Variants in FAM83H observed in about 807,000 individuals in gnomAD.
FAM83H encodes scaffolding CK1 anchoring protein H, also known as protein FAM83H.
Under a neutral mutation model 30.2 loss-of-function variants are expected in FAM83H, and 24 were observed. The observed-to-expected ratio is 0.79, with a 90% CI of 0.57 to 1.12. FAM83H has a LOEUF of 1.12. Among genes scored for constraint, FAM83H ranks in the 50% most tolerant of loss-of-function variants. The probability of loss-of-function intolerance (pLI) is 0.00; values close to 1 mark genes in which losing one functional copy is unlikely to be tolerated. For synonymous variants in FAM83H, 1,013 were observed against 821.7 expected, an observed-to-expected ratio of 1.23 and a Z score of -3.98; for missense variants, 2,038 against 1,773.9, an observed-to-expected ratio of 1.15 and a Z score of -2.67.
At chr8:143,728,793 T>G (rs1818407749) in intron 4 of FAM83H, 70 bp from the exon 5 acceptor site, 1 of 1,597,062 alleles carries the variant, frequency 6.3e-7, no homozygotes, top group Non-Finnish European at 8.5e-7. Flanking sequence ...GGGCAGCGGG[T>G]GGGGCGCGGA....
At chr8:143,732,532 C>T (rs1818563931) in intron 1 of FAM83H, 5 of 985,250 alleles carry the variant, frequency 5.1e-6, no homozygotes, top group Non-Finnish European at 6.0e-6. Flanking sequence ...CCCACTGTCC[C>T]TTTGGATTTC....
rs782508351 is a variant in FAM83H at position 143,728,149 on chromosome 8, C to T, written c.1312G>A (p.Gly438Ser). 116 of 1,609,024 alleles carry T rather than the reference C, an allele frequency of 7.2e-5. No individual in the cohort carries two copies. Among genetic ancestry groups the T allele is most frequent in the Non-Finnish European group, 8.6e-5 (102 of 1,179,198 alleles). Reference protein sequence around the residue: ...QVSRQTFLSHGDDFRFQTSHF... With the variant: ...QVSRQTFLSHSDDFRFQTSHF... ...CTGGTCTGGAAGCGGAAGTCGTCGC[C>T]GTGGCTGAGGAACGTCTGCCGCGAC... is the stretch of plus-strand genomic sequence containing the variant. Residue 438 changes from glycine (G) to serine (S), a missense_variant, in exon 5 of 5, where the codon GGC (glycine) becomes AGC (serine). Gly to Ser is a moderately conservative substitution (Grantham distance 56). Coordinates refer to ENST00000388913, the MANE Select transcript of FAM83H (RefSeq NM_198488.5).
In FAM83H at chr8:143,730,960, T is replaced by C. The variant is rs1326971437; in HGVS notation, c.-15-363A>G. Among the ~76,000 whole-genome samples, 4 of 152,256 alleles carry C rather than the reference T, an allele frequency of 2.6e-5. 1 individual carries two copies. Among genetic ancestry groups the C allele is most frequent in the African/African-American group, 7.2e-5 (3 of 41,536 alleles). On this transcript the variant is annotated intron_variant, in intron 1 of 4. Transcript: ENST00000388913. The stretch of plus-strand genomic sequence containing the variant: ...AATTTTAAACATTAGGCAGGCATGG[T>C]GGCGTGCACACATAGTCCCAGGCAC...
chr8:143,732,117 C>T (rs782290248), intron 1 of FAM83H: 115 of 985,340 alleles, frequency 1.2e-4, no homozygotes, highest in South Asian at 1.4e-4. Flanking sequence ...GGGTGCTAGC[C>T]GGAGCCACTT....
Position 143,725,624 on chromosome 8 carries a change from G to T in FAM83H, c.*297C>A. 1.8e-6 allele frequency: 1 copy of T among 546,502 alleles called. No individual in the cohort carries two copies. Among genetic ancestry groups the T allele is most frequent in the Non-Finnish European group, 3.3e-6 (1 of 305,524 alleles). The allele number at this position is 546,502 out of a possible 1,614,324, so 33.9% of individuals were successfully genotyped here. On this transcript the variant is annotated 3_prime_UTR_variant, in exon 5 of 5. Coordinates refer to ENST00000388913, the MANE Select transcript of FAM83H (RefSeq NM_198488.5). ...GGGGACTGAGGCACAAAGAGATGGC[G>T]GAGCCAGACGCTGCGCCACGCAAGG...
rs1236480094 is a variant in FAM83H at position 143,725,771 on chromosome 8, C to G, written c.*150G>C. Reference sequence around the variant, plus strand: ...CTGCCAGGTGAGCCTCCAGTGGAGCCGAGGTCTGGCGCACTCAGCCAAGCC... The same window carrying G: ...CTGCCAGGTGAGCCTCCAGTGGAGCGGAGGTCTGGCGCACTCAGCCAAGCC... On this transcript the variant is annotated 3_prime_UTR_variant, in exon 5 of 5. Coordinates refer to ENST00000388913, the MANE Select transcript of FAM83H (RefSeq NM_198488.5). The G allele has an allele frequency of 1.5e-6, 2 of 1,367,694 alleles. No homozygotes were observed. Among genetic ancestry groups the G allele is most frequent in the Non-Finnish European group, 2.0e-6 (2 of 1,011,584 alleles). 84.7% of individuals were successfully genotyped at this position (1,367,694 alleles called of 1,614,324 possible). A position where few individuals can be genotyped will look rare whatever the true frequency, so the allele number is the denominator to read the frequency against.
At chr8:143,731,624 A>G in intron 1 of FAM83H, 1 of 985,378 alleles carries the variant, frequency 1.0e-6, no homozygotes, top group Non-Finnish European at 1.2e-6. Context: ...TCCCTCTCAG[A>G]TAAAACCTCC....
At chr8:143,732,137 T>C in intron 1 of FAM83H, 1 of 985,364 alleles carries the variant, frequency 1.0e-6, no homozygotes, top group Non-Finnish European at 1.2e-6. Context: ...TGGCTGAGAA[T>C]GTTGGGGTCA....
chr8:143,731,118 A>ACC lies in FAM83H; in HGVS notation c.-15-523_-15-522dup, dbSNP rs11432677. 1.2e-3 allele frequency among the ~76,000 whole-genome samples: 174 copies of ACC among 145,402 alleles called. 1 individual carries two copies. The highest frequency in any genetic ancestry group is 3.5e-3 in the Middle Eastern group (1 of 288). On this transcript the variant is annotated intron_variant, in intron 1 of 4. Coordinates refer to ENST00000388913, the MANE Select transcript of FAM83H (RefSeq NM_198488.5). Reference sequence around the variant, plus strand: ...ACTACAAAAAATAAAAATAAAACGAACCCCCCCCCCCAAATATTTCATGAC... The same window carrying ACC: ...ACTACAAAAAATAAAAATAAAACGAACCCCCCCCCCCCCAAATATTTCATGAC...
rs201740773 is a variant in FAM83H, at chr8:143,730,411, G to A, written c.172C>T (p.Pro58Ser). The change falls in exon 2 of 5, where the codon CCT becomes TCT. Residue 58 changes from proline to serine, a missense_variant. Transcript: ENST00000388913. ...ATEGAPDFLC[P>S]EELEHVSRHL... The stretch of plus-strand genomic sequence containing the variant: ...CGGCTCACATGTTCCAGCTCTTCAG[G>A]GCACAGGAAGTCTGGTGCCCCCTCG... 1.2e-6 allele frequency: 2 copies of A among 1,613,128 alleles called. No homozygotes were observed. Among genetic ancestry groups the A allele is most frequent in the Non-Finnish European group, 8.5e-7 (1 of 1,180,032 alleles).
chr8:143,731,904 G>A (rs1362015641), intron 1 of FAM83H: 2 of 985,332 alleles, frequency 2.0e-6, no homozygotes, highest in Non-Finnish European at 2.4e-6. Flanking sequence ...CAGGGTCACT[G>A]AGCTACCTGG....
In FAM83H at chr8:143,725,921, T is replaced by C; in HGVS notation, c.3540A>G (p.Ter1180TrpextTer45). The C allele has an allele frequency of 6.2e-7, 1 of 1,612,726 alleles. No individual in the cohort carries two copies. The highest frequency in any genetic ancestry group is 8.5e-7 in the Non-Finnish European group (1 of 1,179,880). ...GGCCTGGGTTGCCAGGCCAGAAGAC[T>C]CACTTCTTGCTTTTGAACGTGCCCA... ...KILGTFKSKK[*>W] The change falls in exon 5 of 5, where the codon TGA (stop) becomes TGG (tryptophan). Residue 1180 changes from the stop codon to tryptophan, a stop_lost. Transcript: ENST00000388913.
chr8:143,732,737 C>T (rs138159241), intron 1 of FAM83H: 3 of 985,390 alleles, frequency 3.0e-6, no homozygotes, highest in East Asian at 1.1e-4. Context: ...GCTGCAGCCA[C>T]TCCCGAGCCC....
Position 143,726,862 on chromosome 8 carries a change from A to G in FAM83H, c.2599T>C (p.Ser867Pro), listed in dbSNP as rs1818315121. ...SGAHQVLHNESKGSPTSAYPE... is the reference protein window; with the variant it reads ...SGAHQVLHNEPKGSPTSAYPE... Reference sequence around the variant, plus strand: ...TAAGCCGAGGTGGGGCTCCCTTTTGACTCATTATGGAGCACCTGGTGCGCT... The same window carrying G: ...TAAGCCGAGGTGGGGCTCCCTTTTGGCTCATTATGGAGCACCTGGTGCGCT... Residue 867 changes from serine (S) to proline (P), a missense_variant, in exon 5 of 5, where the codon TCA becomes CCA. Ser to Pro is a moderately conservative substitution (Grantham distance 74). Transcript: ENST00000388913. 6.2e-7 allele frequency: 1 copy of G among 1,612,362 alleles called. No individual in the cohort carries two copies.
rs1818418711 is a variant in FAM83H at position 143,729,110 on chromosome 8, C to A, written c.613-19G>T. The A allele has an allele frequency of 6.2e-7, 1 of 1,613,584 alleles. No homozygotes were observed. Among genetic ancestry groups the A allele is most frequent in the Non-Finnish European group, 8.5e-7 (1 of 1,179,968 alleles). On this transcript the variant is annotated intron_variant, in intron 3 of 4. Coordinates refer to ENST00000388913, the MANE Select transcript of FAM83H (RefSeq NM_198488.5). The stretch of plus-strand genomic sequence containing the variant: ...GCAGGAACTGGGGAGGGAGGGGAGT[C>A]AGATCTCTCCCACGGGTCCTCCCCA...
At position 143,727,990 on chromosome 8, in the gene FAM83H, G is replaced by C. The variant is rs781806263; in HGVS notation, c.1471C>G (p.Leu491Val). 2.5e-6 allele frequency: 4 copies of C among 1,587,984 alleles called. No homozygotes were observed. Among genetic ancestry groups the C allele is most frequent in the Middle Eastern group, 2.2e-4 (1 of 4,578 alleles). ...AGFADPDDFT[L>V]GAGPRFPELG... ...TCCGGGAAGCGGGGCCCGGCGCCCA[G>C]GGTGAAGTCATCCGGGTCCGCGAAA... Residue 491 changes from leucine to valine, a missense_variant, in exon 5 of 5, where the codon CTG becomes GTG. Transcript: ENST00000388913.
chr8:143,727,426 T>C lies in FAM83H; in HGVS notation c.2035A>G (p.Ser679Gly). The C allele has an allele frequency of 6.4e-7, 1 of 1,572,194 alleles. No individual in the cohort carries two copies. Among genetic ancestry groups the C allele is most frequent in the Non-Finnish European group, 8.6e-7 (1 of 1,166,882 alleles). Residue 679 changes from serine to glycine, a missense_variant, in exon 5 of 5, where the codon AGC becomes GGC. Physicochemically the swap from Ser to Gly is moderately conservative, Grantham distance 56 (BLOSUM62 0). Transcript: ENST00000388913. ...RSRLNPLVQR[S>G]SRLRSSLIFS... Reference sequence around the variant, plus strand: ...ATGAGCGAGGAGCGCAGCCTGGAGCTGCGCTGGACCAGGGGGTTCAGGCGC... The same window carrying C: ...ATGAGCGAGGAGCGCAGCCTGGAGCCGCGCTGGACCAGGGGGTTCAGGCGC...
intron 4 of FAM83H, 72 bp downstream of exon 4, chr8:143,728,895 G>C: frequency 6.2e-7 from 1 of 1,609,652 alleles, no homozygotes; most frequent in Non-Finnish European, 8.5e-7. Context: ...GAGGGCCCTG[G>C]TGTGGAAAGG....
chr8:143,730,234 A>C lies in FAM83H; in HGVS notation c.349T>G (p.Phe117Val). ...LDLGWPLTFG[F>V]QGTEVTTLVQ... Reference sequence around the variant, plus strand: ...AAGGTGGTCACCTCGGTGCCCTGGAAGCCGAAGGTCAGAGGCCAGCCCAAA... The same window carrying C: ...AAGGTGGTCACCTCGGTGCCCTGGACGCCGAAGGTCAGAGGCCAGCCCAAA... The change falls in exon 2 of 5, where the codon TTC becomes GTC. Residue 117 changes from phenylalanine to valine, a missense_variant. Transcript: ENST00000388913. 2 of 1,613,418 alleles carry C rather than the reference A, an allele frequency of 1.2e-6. No homozygotes were observed. The highest frequency in any genetic ancestry group is 1.7e-6 in the Non-Finnish European group (2 of 1,179,894).
Sources: allele counts gnomAD v4.1 joint callset (sites outside exome capture counted in the v4.1 genomes callset), GRCh38; gene constraint gnomAD v4.1.1; transcripts MANE v1.5; gene names NCBI Gene and HGNC (gene_info 2026-07-23, HGNC 2026-07-21).